PRKG1: variants seen among roughly 807,000 people sequenced by gnomAD.
PRKG1 encodes the protein protein kinase cGMP-dependent 1, also known as cGMP-dependent protein kinase 1.
PRKG1 carries 35 observed loss-of-function variants against 88.1 expected under a neutral mutation model. The ratio of observed to expected loss-of-function variants is 0.40; its 90% CI spans 0.30 to 0.53. PRKG1 has a LOEUF of 0.53. Ranked by LOEUF, PRKG1 falls within the 20% of genes least tolerant of loss-of-function variation. The pLI, the probability that PRKG1 is intolerant of heterozygous loss-of-function variation, is 0.59. For synonymous variants in PRKG1, 303 were observed against 292.5 expected, an observed-to-expected ratio of 1.04 and a Z score of -0.37; for missense variants, 540 against 839.8, an observed-to-expected ratio of 0.64 and a Z score of 4.41.
At chr10:51,351,735 T>C (rs1030731591) in intron 2 of PRKG1, among the ~76,000 whole-genome samples, 1 of 152,184 alleles carries the variant, frequency 6.6e-6, no homozygotes, top group African/African-American at 2.4e-5. Flanking sequence ...TGTGCAGAAC[T>C]CTTTAGTTTA....
chr10:51,104,002 T>C (rs970096538), intron 1 of PRKG1, among the ~76,000 whole-genome samples: 1 of 152,190 alleles, frequency 6.6e-6, no homozygotes, highest in Non-Finnish European at 1.5e-5. Flanking sequence ...CATTCAGTAA[T>C]GATCTCACCA....
chr10:51,733,226 G>A (rs746145551), intron 3 of PRKG1, among the ~76,000 whole-genome samples: 6 of 152,018 alleles, frequency 3.9e-5, no homozygotes, highest in Non-Finnish European at 8.8e-5. Flanking sequence ...ATGAACTTTA[G>A]GGGGAAACAC....
At chr10:51,714,003 G>A (rs1589225825) in intron 3 of PRKG1, among the ~76,000 whole-genome samples, 1 of 151,266 alleles carries the variant, frequency 6.6e-6, no homozygotes, top group South Asian at 2.1e-4. Flanking sequence ...TTTTTGAGAC[G>A]GAGTCTCACT....
At chr10:51,763,807 T>A (rs1838086719) in intron 3 of PRKG1, among the ~76,000 whole-genome samples, 1 of 151,798 alleles carries the variant, frequency 6.6e-6, no homozygotes, top group Admixed American at 6.6e-5. Context: ...GGGGCTGTAC[T>A]TAGTGAGGGC....
chr10:51,434,449 C>G (rs1320466096), intron 2 of PRKG1, among the ~76,000 whole-genome samples: 1 of 152,096 alleles, frequency 6.6e-6, no homozygotes, highest in Non-Finnish European at 1.5e-5. Flanking sequence ...AAGGATCAGT[C>G]AGCCAAAACA....
intron 3 of PRKG1, among the ~76,000 whole-genome samples, chr10:51,796,365 A>G (rs922478726): frequency 2.0e-5 from 3 of 152,154 alleles, no homozygotes; most frequent in East Asian, 1.9e-4. Flanking sequence ...CAAAAATATT[A>G]TTATTTTAAC....
At chr10:51,621,327 A>G (rs940826242) in intron 3 of PRKG1, among the ~76,000 whole-genome samples, 1 of 57,328 alleles carries the variant, frequency 1.7e-5, no homozygotes, top group African/African-American at 4.3e-5. Context: ...AGACCCCTTT[A>G]TACTTTAAGT....
At chr10:52,080,524 C>A (rs74135136) in intron 7 of PRKG1, among the ~76,000 whole-genome samples, 29 of 152,082 alleles carry the variant, frequency 1.9e-4, no homozygotes, top group African/African-American at 6.0e-4. Flanking sequence ...ATTTAGGAGT[C>A]CATGAAATGA....
intron 4 of PRKG1, among the ~76,000 whole-genome samples, chr10:51,870,924 G>T (rs990483347): frequency 6.6e-6 from 1 of 152,170 alleles, no homozygotes; most frequent in East Asian, 1.9e-4. Flanking sequence ...ACATCAGCCT[G>T]AGTTACTCTA....
At chr10:51,961,297 C>T (rs112839299) in intron 5 of PRKG1, among the ~76,000 whole-genome samples, 240 of 152,138 alleles carry the variant, frequency 1.6e-3, no homozygotes, top group African/African-American at 5.5e-3. Context: ...CTCGTGTCCA[C>T]GGGTTTTGCA....
At position 52,254,609 on chromosome 10, in the gene PRKG1, A is replaced by G. The variant is rs565530701; in HGVS notation, c.1173+2943A>G. ...CCTGTTAGAGTGAAGTTAAGAATGT[A>G]GTTTTCTCATCACTGTTTGACATAC... is the stretch of plus-strand genomic sequence containing the variant. On this transcript the variant is annotated intron_variant, in intron 10 of 17. Transcript: ENST00000373980. Among the ~76,000 whole-genome samples the G allele has an allele frequency of 9.9e-5, 15 of 152,158 alleles. No homozygotes were observed. In the East Asian group the frequency reaches 1.4e-3, roughly 14 times the overall value.
intron 3 of PRKG1, among the ~76,000 whole-genome samples, chr10:51,518,228 C>A (rs1343514398): frequency 6.6e-6 from 1 of 152,090 alleles, no homozygotes; most frequent in African/African-American, 2.4e-5. Context: ...GAACTCCTGG[C>A]CTCAGGTGAT....
intron 7 of PRKG1, among the ~76,000 whole-genome samples, chr10:52,109,310 T>C (rs1322838650): frequency 1.3e-5 from 2 of 152,218 alleles, no homozygotes; most frequent in Non-Finnish European, 2.9e-5. Flanking sequence ...ACCCGCATTT[T>C]TCTAAAAGAA....
chr10:51,379,195 A>G (rs1462181316), intron 2 of PRKG1, among the ~76,000 whole-genome samples: 1 of 152,250 alleles, frequency 6.6e-6, no homozygotes, highest in Non-Finnish European at 1.5e-5. Flanking sequence ...TGTATCAGTT[A>G]GTATTGATAC....
chr10:51,980,441 A>C (rs549859499), intron 5 of PRKG1, among the ~76,000 whole-genome samples: 2 of 152,298 alleles, frequency 1.3e-5, no homozygotes, highest in African/African-American at 4.8e-5. Context: ...GGTGATGAGA[A>C]GAATGTATAG....
intron 5 of PRKG1, among the ~76,000 whole-genome samples, chr10:51,946,585 G>A (rs867204251): frequency 2.6e-5 from 4 of 151,944 alleles, no homozygotes; most frequent in African/African-American, 4.8e-5. Context: ...CCCCATCTTT[G>A]TGGTTTTATC....
At chr10:52,173,618 G>T (rs1253844043) in intron 9 of PRKG1, among the ~76,000 whole-genome samples, 1 of 152,150 alleles carries the variant, frequency 6.6e-6, no homozygotes, top group Non-Finnish European at 1.5e-5. Flanking sequence ...ACATTTACAT[G>T]TATCACACCA....
chr10:51,570,006 T>C (rs55850723), intron 3 of PRKG1, among the ~76,000 whole-genome samples: 4,626 of 148,308 alleles, frequency 0.031, 107 homozygotes, highest in South Asian at 0.091. Flanking sequence ...GACGATAAGA[T>C]GTTATAACTA....
intron 3 of PRKG1, among the ~76,000 whole-genome samples, chr10:51,645,018 C>A (rs888524870): frequency 1.1e-4 from 16 of 152,108 alleles, no homozygotes; most frequent in Admixed American, 3.3e-4. Context: ...GAACTCCTAA[C>A]CTAAAGTGAG....
Sources: allele counts gnomAD v4.1 joint callset (sites outside exome capture counted in the v4.1 genomes callset), GRCh38; gene constraint gnomAD v4.1.1; transcripts MANE v1.5; gene names NCBI Gene and HGNC (gene_info 2026-07-23, HGNC 2026-07-21).